Variants in PTGER3 observed in about 807,000 individuals in gnomAD.
PTGER3 encodes prostaglandin E receptor 3.
A neutral mutation model predicts 34.7 loss-of-function variants in PTGER3; 22 were observed. That is an observed-to-expected ratio of 0.63 (90% CI 0.45 to 0.91). The LOEUF (loss-of-function observed/expected upper bound fraction) is 0.91, where lower values mean the gene tolerates loss of function less well. PTGER3 is among the 40% of genes least tolerant of loss of function. PTGER3 has a pLI of 0.00. For synonymous variants in PTGER3, 241 were observed against 230.1 expected (o/e 1.05, Z -0.43); for missense variants, 468 against 519.4 (o/e 0.90, Z 0.96).
intron 4 of PTGER3, among the ~76,000 whole-genome samples, chr1:70,896,188 C>T (rs1485152356): frequency 6.6e-6 from 1 of 152,096 alleles, no homozygotes. Flanking sequence ...ACTTGTGTCC[C>T]CACAACAGAT....
chr1:70,890,485 C>G (rs1278279051), intron 4 of PTGER3, among the ~76,000 whole-genome samples: 1 of 152,118 alleles, frequency 6.6e-6, no homozygotes, highest in Non-Finnish European at 1.5e-5. Flanking sequence ...AAATACTGGT[C>G]CATTAACTTA....
At chr1:70,993,416 A>T (rs553393346) in intron 2 of PTGER3, among the ~76,000 whole-genome samples, 1 of 152,312 alleles carries the variant, frequency 6.6e-6, no homozygotes, top group African/African-American at 2.4e-5. Context: ...TGCTATACTC[A>T]TTTTCTGAGA....
At chr1:70,922,227 G>C (rs1054933571) in intron 4 of PTGER3, among the ~76,000 whole-genome samples, 14 of 151,178 alleles carry the variant, frequency 9.3e-5, no homozygotes, top group African/African-American at 3.5e-4. Flanking sequence ...AGGTTATAAA[G>C]AAAGAGATTT....
At chr1:70,959,273 G>A (rs2100620321) in intron 2 of PTGER3, among the ~76,000 whole-genome samples, 1 of 152,210 alleles carries the variant, frequency 6.6e-6, no homozygotes, top group East Asian at 1.9e-4. Context: ...TGTAGATTGG[G>A]GTAATATGGA....
intron 4 of PTGER3, among the ~76,000 whole-genome samples, chr1:70,883,327 T>A (rs912547857): frequency 2.0e-5 from 3 of 152,218 alleles, no homozygotes; most frequent in Non-Finnish European, 4.4e-5. Flanking sequence ...TATTAACACA[T>A]TCATAAACAT....
At chr1:71,044,203 G>A (rs1022343354) in intron 1 of PTGER3, among the ~76,000 whole-genome samples, 25 of 151,568 alleles carry the variant, frequency 1.6e-4, no homozygotes, top group East Asian at 4.0e-4. Context: ...TTGGGTGGCC[G>A]AGGTGGGCGG....
intron 4 of PTGER3, among the ~76,000 whole-genome samples, chr1:70,868,179 T>G (rs531549510): frequency 2.0e-5 from 3 of 151,934 alleles, no homozygotes; most frequent in Non-Finnish European, 4.4e-5. Context: ...TATCAACCAT[T>G]TAGTTCATCT....
intron 4 of PTGER3, among the ~76,000 whole-genome samples, chr1:70,928,588 G>A (rs1648369685): frequency 6.6e-6 from 1 of 152,086 alleles, no homozygotes; most frequent in Admixed American, 6.6e-5. Context: ...AGCCATGACA[G>A]TGCCACTACA....
chr1:70,989,033 C>T (rs138266916), intron 2 of PTGER3, among the ~76,000 whole-genome samples: 2 of 147,688 alleles, frequency 1.4e-5, no homozygotes, highest in Non-Finnish European at 1.5e-5. Flanking sequence ...GCATGTAATT[C>T]CCCCCCCAAA....
chr1:70,952,889 G>A (rs565415760), exon 4 of PTGER3: 10 of 1,596,938 alleles, frequency 6.3e-6, no homozygotes, highest in Non-Finnish European at 8.5e-6. Context: ...CAGCACTCCT[G>A]TAGTTATTTT....
intron 4 of PTGER3, among the ~76,000 whole-genome samples, chr1:70,888,752 G>A (rs760552621): frequency 1.5e-4 from 22 of 150,628 alleles, no homozygotes; most frequent in Non-Finnish European, 2.8e-4. Flanking sequence ...TGAATTTGGG[G>A]ATTTTTTTTT....
intron 4 of PTGER3, among the ~76,000 whole-genome samples, chr1:70,885,271 C>A (rs914152780): frequency 6.6e-6 from 1 of 152,062 alleles, no homozygotes; most frequent in African/African-American, 2.4e-5. Flanking sequence ...AACATCATTA[C>A]TCACTCCATC....
chr1:70,870,605 C>T (rs892482956), intron 4 of PTGER3, among the ~76,000 whole-genome samples: 4 of 152,200 alleles, frequency 2.6e-5, no homozygotes, highest in Admixed American at 1.3e-4. Flanking sequence ...GCTCTGGTAT[C>T]TGAACATAGG....
chr1:70,900,962 A>G (rs1345575352), intron 4 of PTGER3, among the ~76,000 whole-genome samples: 2 of 152,218 alleles, frequency 1.3e-5, no homozygotes, highest in African/African-American at 2.4e-5. Flanking sequence ...TGTCTTAGAC[A>G]TACTGCAAGG....
intron 2 of PTGER3, among the ~76,000 whole-genome samples, chr1:70,986,331 A>C (rs958312528): frequency 1.3e-5 from 2 of 151,976 alleles, no homozygotes; most frequent in Non-Finnish European, 2.9e-5. Flanking sequence ...TACTCTGTAG[A>C]CTCACCCTGA....
At chr1:70,981,514 G>A (rs1654365020) in intron 2 of PTGER3, among the ~76,000 whole-genome samples, 1 of 151,218 alleles carries the variant, frequency 6.6e-6, no homozygotes, top group Non-Finnish European at 1.5e-5. Context: ...CTGGGCTCAA[G>A]CCTCCCACCT....
intron 2 of PTGER3, among the ~76,000 whole-genome samples, chr1:70,956,894 T>C (rs1014081150): frequency 6.6e-6 from 1 of 151,960 alleles, no homozygotes; most frequent in Non-Finnish European, 1.5e-5. Context: ...ACTTGGGAGG[T>C]TGAGGCAGGA....
chr1:70,964,059 C>G (rs1557691851), intron 2 of PTGER3, among the ~76,000 whole-genome samples: 1 of 152,162 alleles, frequency 6.6e-6, no homozygotes, highest in Non-Finnish European at 1.5e-5. Flanking sequence ...TTCCAGTTCC[C>G]AACAAGTTCC....
intron 2 of PTGER3, chr1:71,007,846 TG>T: frequency 1.0e-6 from 1 of 985,188 alleles, no homozygotes; most frequent in Non-Finnish European, 1.2e-6. Context: ...ACAATAGCAT[TG>T]AAGAGATGCA....
Sources: gnomAD v4.1 joint callset for allele counts (sites outside exome capture counted in the v4.1 genomes callset) on GRCh38, gnomAD v4.1.1 for gene constraint, MANE v1.5 for transcripts, NCBI Gene and HGNC (gene_info 2026-07-23, HGNC 2026-07-21) for gene names.